ADGRL1: variants seen among roughly 807,000 people sequenced by gnomAD.
The protein encoded by ADGRL1 is CIRL-1.
In ADGRL1, 31 loss-of-function variants were observed where a neutral mutation model predicts 148.9. The observed-to-expected ratio is 0.21, with a 90% CI of 0.16 to 0.28. The LOEUF (loss-of-function observed/expected upper bound fraction) is 0.28, where lower values mean the gene tolerates loss of function less well. Among genes scored for constraint, ADGRL1 ranks in the 10% least tolerant of loss-of-function variants. ADGRL1 has a pLI of 1.00. For missense variants in ADGRL1, 1,521 were observed against 2,058.8 expected, an observed-to-expected ratio of 0.74 and a Z score of 5.05; for synonymous variants, 937 against 900.3, an observed-to-expected ratio of 1.04 and a Z score of -0.73.
intron 3 of ADGRL1, 156 bp from the exon 4 acceptor site, chr19:14,170,947 T>C (rs1475903798): frequency 6.9e-6 from 4 of 577,810 alleles, no homozygotes; most frequent in Non-Finnish European, 1.3e-5. Context: ...TCTGTGTCCA[T>C]ACCCAAATCT....
At position 14,158,052 on chromosome 19, in the gene ADGRL1, C is replaced by G. The variant is rs781575713; in HGVS notation, c.2365G>C (p.Asp789His). The change falls in exon 13 of 23, where the codon GAC becomes CAC. Residue 789 changes from aspartate to histidine, a missense_variant and splice_region_variant. Asp to His is a moderately conservative substitution (Grantham distance 81, BLOSUM62 -1). Around this residue, in one of 8 missense-constraint regions of ADGRL1, gnomAD observed 265 missense variants for 431.9 expected, o/e 0.61. Transcript: ENST00000361434. ...CAGTTAGCATTGAAGTGGTTCTTGTCCTGTTGTGTGGTGGCACCAGGGTGT... is the reference window on the plus strand; with the variant it reads ...CAGTTAGCATTGAAGTGGTTCTTGTGCTGTTGTGTGGTGGCACCAGGGTGT... Reference protein sequence around the residue: ...PVIFTVAHLEDKNHFNANCSF... With the variant: ...PVIFTVAHLEHKNHFNANCSF... 3.1e-6 allele frequency: 5 copies of G among 1,614,042 alleles called. No individual in the cohort carries two copies. The highest frequency in any genetic ancestry group is 3.4e-6 in the Non-Finnish European group (4 of 1,179,942).
rs1225681138 is a variant in ADGRL1 at position 14,163,388 on chromosome 19, G to A, written c.413C>T (p.Thr138Ile). 1.3e-6 allele frequency: 2 copies of A among 1,569,486 alleles called. No individual in the cohort carries two copies. Among genetic ancestry groups the A allele is most frequent in the Non-Finnish European group, 1.7e-6 (2 of 1,159,052 alleles). Residue 138 changes from threonine (T) to isoleucine (I), a missense_variant, in exon 5 of 23, where the codon ACC becomes ATC. By Grantham distance (89) the Thr-to-Ile change is moderately conservative. This residue lies in a region of ADGRL1 where 334 missense variants were observed against 512.5 expected (regional missense o/e 0.65). Transcript: ENST00000361434. ...CVPYIFVCPG[T>I]LQKVLEPTST... ...GGTGGGCTCCAGCACCTTCTGCAGGGTCCCTGGGCACACGAAGACTGGGCA... is the reference window on the plus strand; with the variant it reads ...GGTGGGCTCCAGCACCTTCTGCAGGATCCCTGGGCACACGAAGACTGGGCA...
chr19:14,161,457 T>C lies in ADGRL1; in HGVS notation c.1365A>G (p.Pro455=). 6.8e-7 allele frequency: 1 copy of C among 1,467,924 alleles called. No individual in the cohort carries two copies. The highest frequency in any genetic ancestry group is 9.0e-7 in the Non-Finnish European group (1 of 1,108,214). The allele number at this position is 1,467,924 out of a possible 1,614,324, so 90.9% of individuals were successfully genotyped here. The change falls in exon 6 of 23, where the codon CCA becomes CCG. Residue 455 remains proline (P), a synonymous_variant. Coordinates refer to ENST00000361434, the MANE Select transcript of ADGRL1 (RefSeq NM_014921.5). This position sits in a 1 kb window ranked among gnomAD's most constrained non-coding sequence, Gnocchi z 4.4. ...LGPDLPPATA[P]VPSTRRPPAP... is the part of the protein sequence containing the mutation. ...CTGGGGGCCGCCGGGTGCTGGGGAC[T>C]GGGGCTGTGGCTGGAGGCAGATCAG...
At chr19:14,193,526 G>A (rs2145123128) in intron 1 of ADGRL1, among the ~76,000 whole-genome samples, 1 of 151,662 alleles carries the variant, frequency 6.6e-6, no homozygotes, top group African/African-American at 2.4e-5. Flanking sequence ...GGTTGAGGCT[G>A]CAGTGAGCTC....
At chr19:14,174,691 G>C (rs10414820) in intron 3 of ADGRL1, among the ~76,000 whole-genome samples, 1 of 151,298 alleles carries the variant, frequency 6.6e-6, no homozygotes, top group Non-Finnish European at 1.5e-5. Context: ...TCACACCACC[G>C]TATCAGGCTA....
In ADGRL1 at chr19:14,158,164, G is replaced by T; in HGVS notation, c.2365-112C>A. ...GTACCAAGTATCAAAGAAGTGCCTG[G>T]GGTCTGGGGCTCCAGTTGACATTCT... On this transcript the variant is annotated intron_variant, in intron 12 of 22. Transcript: ENST00000361434. The T allele has an allele frequency of 2.3e-6, 3 of 1,299,496 alleles. No homozygotes were observed. The South Asian group carries it at 4.0e-5, about 17-fold the overall frequency. 80.5% of individuals were successfully genotyped at this position (1,299,496 alleles called of 1,614,324 possible). A position where few individuals can be genotyped will look rare whatever the true frequency, so the allele number is the denominator to read the frequency against.
In ADGRL1 at chr19:14,161,772, A is replaced by C; in HGVS notation, c.1196-146T>G. On this transcript the variant is annotated intron_variant, in intron 5 of 22. Coordinates refer to ENST00000361434, the MANE Select transcript of ADGRL1 (RefSeq NM_014921.5). This position sits in a 1 kb window ranked among gnomAD's most constrained non-coding sequence, Gnocchi z 4.4. Reference sequence around the variant, plus strand: ...CGGGCCCCACTGGGTCTATGAGTTGATCTCCCCTGGCCGCTCTGTGCCCAC... The same window carrying C: ...CGGGCCCCACTGGGTCTATGAGTTGCTCTCCCCTGGCCGCTCTGTGCCCAC... 2 of 518,438 alleles carry C rather than the reference A, an allele frequency of 3.9e-6. No homozygotes were observed. The highest frequency in any genetic ancestry group is 5.7e-5 in the South Asian group (1 of 17,510). 32.1% of individuals were successfully genotyped at this position (518,438 alleles called of 1,614,324 possible). A position where few individuals can be genotyped will look rare whatever the true frequency, so the allele number is the denominator to read the frequency against.
At chr19:14,175,581 TACAC>T (rs758490348) in intron 3 of ADGRL1, among the ~76,000 whole-genome samples, 1 of 151,816 alleles carries the variant, frequency 6.6e-6, no homozygotes, top group East Asian at 1.9e-4. Flanking sequence ...CCCACCCAGA[TACAC>T]ACTCCAATAC....
rs772717980 is a variant in ADGRL1 at position 14,183,651 on chromosome 19, G to T, written c.-49C>A. The stretch of plus-strand genomic sequence containing the variant: ...GAGCTCTCAGTGGCCTGTGCGGGGG[G>T]CTTTGCCCCACATCACCTGGCAGGC... On this transcript the variant is annotated 5_prime_UTR_variant, in exon 2 of 23. Coordinates refer to ENST00000361434, the MANE Select transcript of ADGRL1 (RefSeq NM_014921.5). 6 of 1,498,112 alleles carry T rather than the reference G, an allele frequency of 4.0e-6. No individual in the cohort carries two copies. Among genetic ancestry groups the T allele is most frequent in the East Asian group, 2.5e-5 (1 of 40,198 alleles). The allele number at this position is 1,498,112 out of a possible 1,614,324, so 92.8% of individuals were successfully genotyped here.
intron 1 of ADGRL1, among the ~76,000 whole-genome samples, chr19:14,185,638 T>C (rs1389364701): frequency 6.6e-6 from 1 of 152,192 alleles, no homozygotes; most frequent in Admixed American, 6.5e-5. Flanking sequence ...TGGGAACCCC[T>C]GCTCTGTCAT....
At position 14,174,121 on chromosome 19, in the gene ADGRL1, C is replaced by T. The variant is rs548567319; in HGVS notation, c.285-3330G>A. 6.6e-5 allele frequency among the ~76,000 whole-genome samples: 10 copies of T among 152,150 alleles called. No homozygotes were observed. The East Asian group carries it at 9.7e-4, about 15-fold the overall frequency. On this transcript the variant is annotated intron_variant, in intron 3 of 22. Transcript: ENST00000361434. ...TAACTATTCTGCACAGCATTCCCCA[C>T]GGACATGGGAACTGGGCCAGATGCT...
chr19:14,156,565 G>T (rs1174428884), intron 16 of ADGRL1, 93 bp downstream of exon 16: 9 of 813,086 alleles, frequency 1.1e-5, no homozygotes, highest in South Asian at 6.3e-5. Context: ...GTGTGTGTGT[G>T]TGGGGGGGGT....
rs375370336 is a variant in ADGRL1, at chr19:14,156,752, G to A, written c.2967-28C>T. The A allele has an allele frequency of 1.8e-5, 29 of 1,590,922 alleles. No individual in the cohort carries two copies. The African/African-American group carries it at 3.2e-4, about 18-fold the overall frequency. On this transcript the variant is annotated intron_variant, in intron 15 of 22. Coordinates refer to ENST00000361434, the MANE Select transcript of ADGRL1 (RefSeq NM_014921.5). ...GTAAAGGAAACAGGGCCGGGGTATA[G>A]AGAGAAGCCGAGGAGCCATTCCCAG...
chr19:14,202,032 C>A (rs1352109364), intron 1 of ADGRL1, among the ~76,000 whole-genome samples: 6 of 152,140 alleles, frequency 3.9e-5, no homozygotes, highest in African/African-American at 1.4e-4. Flanking sequence ...TCCTCCGTGG[C>A]AGAACAGCCA....
chr19:14,150,714 T>G lies in ADGRL1; in HGVS notation c.*159A>C. On this transcript the variant is annotated 3_prime_UTR_variant, in exon 23 of 23. Transcript: ENST00000361434. Reference sequence around the variant, plus strand: ...AACCCTGGCACCTCAGGCCCCCAGGTTAGAGTCCCCTGAGGGGACTGTAGG... The same window carrying G: ...AACCCTGGCACCTCAGGCCCCCAGGGTAGAGTCCCCTGAGGGGACTGTAGG... 3 of 792,888 alleles carry G rather than the reference T, an allele frequency of 3.8e-6. No individual in the cohort carries two copies. Among genetic ancestry groups the G allele is most frequent in the South Asian group, 1.9e-5 (1 of 52,774 alleles). The allele number at this position is 792,888 out of a possible 1,614,324, so 49.1% of individuals were successfully genotyped here.
chr19:14,161,641 C>G lies in ADGRL1; in HGVS notation c.1196-15G>C, dbSNP rs541187176. 4 of 1,388,772 alleles carry G rather than the reference C, an allele frequency of 2.9e-6. No individual in the cohort carries two copies. Among genetic ancestry groups the G allele is most frequent in the African/African-American group, 1.5e-5 (1 of 67,152 alleles). 86.0% of individuals were successfully genotyped at this position (1,388,772 alleles called of 1,614,324 possible). A position where few individuals can be genotyped will look rare whatever the true frequency, so the allele number is the denominator to read the frequency against. ...AGTGGCTGGGCCTGGAGAGGGGATA[C>G]GAGACAGGGTCATCCCCATGCTCAG... is the stretch of plus-strand genomic sequence containing the variant. On this transcript the variant is annotated splice_polypyrimidine_tract_variant and intron_variant, in intron 5 of 22. Coordinates refer to ENST00000361434, the MANE Select transcript of ADGRL1 (RefSeq NM_014921.5). This position sits in a 1 kb window ranked among gnomAD's most constrained non-coding sequence, Gnocchi z 4.4.
At chr19:14,183,212 A>AGAGAGAGAGCGAGAGC (rs71172403) in intron 2 of ADGRL1, among the ~76,000 whole-genome samples, 1 of 151,050 alleles carries the variant, frequency 6.6e-6, no homozygotes, top group Non-Finnish European at 1.5e-5. Context: ...AGAGAGAGAG[A>AGAGAGAGAGCGAGAGC]GAGAGCGAGA....
chr19:14,162,127 G>A lies in ADGRL1; in HGVS notation c.1195+479C>T, dbSNP rs1199183054. Among the ~76,000 whole-genome samples, 1 of 152,202 alleles carries A rather than the reference G, an allele frequency of 6.6e-6. No individual in the cohort carries two copies. Among genetic ancestry groups the A allele is most frequent in the Non-Finnish European group, 1.5e-5 (1 of 68,034 alleles). On this transcript the variant is annotated intron_variant, in intron 5 of 22. Coordinates refer to ENST00000361434, the MANE Select transcript of ADGRL1 (RefSeq NM_014921.5). This position sits in a 1 kb window ranked among gnomAD's most constrained non-coding sequence, Gnocchi z 5.4. Reference sequence around the variant, plus strand: ...GTTAGATCGGGCTCCCTGGAGCCCTGGGGTGGCACAGAGCTAGCAGGGCAG... The same window carrying A: ...GTTAGATCGGGCTCCCTGGAGCCCTAGGGTGGCACAGAGCTAGCAGGGCAG...
intron 3 of ADGRL1, chr19:14,171,083 A>C: frequency 3.2e-6 from 1 of 310,180 alleles, no homozygotes; most frequent in Non-Finnish European, 6.2e-6. Flanking sequence ...GGTTGTTTAA[A>C]AGTGTGTAGC....
Sources: gnomAD v4.1 joint callset for allele counts (sites outside exome capture counted in the v4.1 genomes callset) on GRCh38, gnomAD v4.1.1 for gene constraint, gnomAD v4.1.1 regional missense constraint, Gnocchi (gnomAD v3.1) non-coding constraint, MANE v1.5 for transcripts, NCBI Gene and HGNC (gene_info 2026-07-23, HGNC 2026-07-21) for gene names.